NELL1: variants seen among roughly 807,000 people sequenced by gnomAD.
NELL1 encodes neural EGFL like 1, also known as protein kinase C-binding protein NELL1.
A neutral mutation model predicts 107.4 loss-of-function variants in NELL1; 76 were observed. That is an observed-to-expected ratio of 0.71 (90% CI 0.59 to 0.86). The LOEUF is 0.86. Ranked by LOEUF, NELL1 falls within the 40% of genes least tolerant of loss-of-function variation. The pLI, the probability that NELL1 is intolerant of heterozygous loss-of-function variation, is 0.00. For missense variants in NELL1, 1,024 were observed against 1,005.5 expected (o/e 1.02, Z -0.25); for synonymous variants, 353 against 341.2 (o/e 1.03, Z -0.38).
chr11:21,139,459 A>C (rs1447132895), intron 13 of NELL1, among the ~76,000 whole-genome samples: 1 of 152,120 alleles, frequency 6.6e-6, no homozygotes, highest in African/African-American at 2.4e-5. Context: ...CCCTACTGTC[A>C]CTTGCTTTCT....
intron 15 of NELL1, among the ~76,000 whole-genome samples, chr11:21,495,772 T>G (rs984656008): frequency 4.6e-5 from 7 of 152,190 alleles, no homozygotes; most frequent in Non-Finnish European, 1.0e-4. Flanking sequence ...AAGTTGAATA[T>G]CTTTGTATAT....
intron 2 of NELL1, among the ~76,000 whole-genome samples, chr11:20,782,921 G>T (rs1240936109): frequency 2.0e-5 from 3 of 152,150 alleles, no homozygotes; most frequent in African/African-American, 7.2e-5. Context: ...ATTGGAGAAA[G>T]AAACATTCTT....
chr11:20,749,027 G>A lies in NELL1; in HGVS notation c.185-34653G>A, dbSNP rs1856073358. On this transcript the variant is annotated intron_variant, in intron 2 of 19. Transcript: ENST00000357134. ...TTGTTTTAAGCAATAGGGTTAGAAT[G>A]GAGAACAAAGCAGACAAAACCTCTA... Among the ~76,000 whole-genome samples, 2 of 151,810 alleles carry A rather than the reference G, an allele frequency of 1.3e-5. 1 individual carries two copies. Among genetic ancestry groups the A allele is most frequent in the Admixed American group, 1.3e-4 (2 of 15,242 alleles).
At chr11:21,516,816 T>G (rs1290703653) in intron 15 of NELL1, among the ~76,000 whole-genome samples, 2 of 152,050 alleles carry the variant, frequency 1.3e-5, no homozygotes, top group Admixed American at 6.6e-5. Flanking sequence ...GGTATTTTTT[T>G]TTTTTTGAGA....
intron 15 of NELL1, among the ~76,000 whole-genome samples, chr11:21,499,557 A>C (rs77494942): frequency 1.1e-4 from 16 of 152,202 alleles, no homozygotes; most frequent in Middle Eastern, 3.4e-3. Flanking sequence ...CATCAACTGG[A>C]ATGTCCAGCT....
chr11:21,063,822 C>G (rs1171967845), intron 12 of NELL1, among the ~76,000 whole-genome samples: 1 of 152,168 alleles, frequency 6.6e-6, no homozygotes, highest in Non-Finnish European at 1.5e-5. Context: ...GTGACACAGA[C>G]AACAATAAAC....
At chr11:21,039,980 T>C (rs1354705116) in intron 12 of NELL1, among the ~76,000 whole-genome samples, 1 of 152,080 alleles carries the variant, frequency 6.6e-6, no homozygotes. Context: ...TTTTTACCAA[T>C]ACAAAAGTAA....
chr11:21,327,241 T>C (rs1276954969), intron 14 of NELL1, among the ~76,000 whole-genome samples: 1 of 149,904 alleles, frequency 6.7e-6, no homozygotes, highest in Non-Finnish European at 1.5e-5. Context: ...ATATACCTAA[T>C]GTTAAATGAC....
At chr11:21,166,032 G>A (rs938949281) in intron 13 of NELL1, among the ~76,000 whole-genome samples, 1 of 151,830 alleles carries the variant, frequency 6.6e-6, no homozygotes, top group Non-Finnish European at 1.5e-5. Context: ...TGGGATTACA[G>A]GGGTAAGCCA....
rs575271114 is a variant in NELL1, at chr11:21,257,401, C to A, written c.1549+27947C>A. 5.3e-5 allele frequency among the ~76,000 whole-genome samples: 8 copies of A among 152,114 alleles called. No individual in the cohort carries two copies. In the South Asian group the frequency reaches 1.0e-3, roughly 20 times the overall value. ...ATCTAGAGGAATCTGTCCTGTGAGC[C>A]TCACATTTTCATCTGCAAGTGGACT... On this transcript the variant is annotated intron_variant, in intron 14 of 19. Coordinates refer to ENST00000357134, the MANE Select transcript of NELL1 (RefSeq NM_006157.5).
intron 11 of NELL1, among the ~76,000 whole-genome samples, chr11:20,954,139 T>C (rs1195376385): frequency 6.6e-6 from 1 of 152,234 alleles, no homozygotes; most frequent in Non-Finnish European, 1.5e-5. Flanking sequence ...CAGCTTCATA[T>C]AATTGTTATA....
intron 13 of NELL1, among the ~76,000 whole-genome samples, chr11:21,166,702 T>C (rs987921081): frequency 6.6e-6 from 1 of 151,948 alleles, no homozygotes; most frequent in South Asian, 2.1e-4. Context: ...ATAATCCATG[T>C]AGAGGCTAAG....
chr11:20,812,470 C>T (rs1377560338), intron 3 of NELL1, among the ~76,000 whole-genome samples: 1 of 152,116 alleles, frequency 6.6e-6, no homozygotes, highest in African/African-American at 2.4e-5. Context: ...ATGCTGGCCT[C>T]ATAGAATGAG....
At chr11:21,470,703 A>T (rs1854155637) in intron 15 of NELL1, among the ~76,000 whole-genome samples, 1 of 152,086 alleles carries the variant, frequency 6.6e-6, no homozygotes, top group African/African-American at 2.4e-5. Context: ...TGCCTTAGTC[A>T]TCTTGATATT....
chr11:21,488,217 G>A (rs898580959), intron 15 of NELL1, among the ~76,000 whole-genome samples: 2 of 151,796 alleles, frequency 1.3e-5, no homozygotes, highest in Admixed American at 1.3e-4. Context: ...CAACTACAGA[G>A]TATACATTCG....
chr11:21,263,656 G>C (rs1478600008), intron 14 of NELL1, among the ~76,000 whole-genome samples: 1 of 151,946 alleles, frequency 6.6e-6, no homozygotes, highest in Non-Finnish European at 1.5e-5. Context: ...TGTATACCTA[G>C]TTTTTAAGGA....
At chr11:21,531,323 T>C (rs965509943) in intron 15 of NELL1, among the ~76,000 whole-genome samples, 4 of 152,188 alleles carry the variant, frequency 2.6e-5, no homozygotes, top group African/African-American at 9.6e-5. Flanking sequence ...CAGAATTGAA[T>C]AAATGTATTA....
At chr11:21,201,196 C>T (rs1258597744) in intron 13 of NELL1, among the ~76,000 whole-genome samples, 1 of 152,170 alleles carries the variant, frequency 6.6e-6, no homozygotes, top group Admixed American at 6.5e-5. Context: ...ATGGGGATAG[C>T]ACTGAATCTA....
At chr11:21,415,983 A>G (rs1366502202) in intron 15 of NELL1, among the ~76,000 whole-genome samples, 1 of 152,048 alleles carries the variant, frequency 6.6e-6, no homozygotes, top group Admixed American at 6.6e-5. Flanking sequence ...ACAACTTTTA[A>G]TGCTGTGTGC....
Sources: gnomAD v4.1 joint callset for allele counts (sites outside exome capture counted in the v4.1 genomes callset) on GRCh38, gnomAD v4.1.1 for gene constraint, MANE v1.5 for transcripts, NCBI Gene and HGNC (gene_info 2026-07-23, HGNC 2026-07-21) for gene names.